ANO4: variants seen among roughly 807,000 people sequenced by gnomAD.
The protein encoded by ANO4 is anoctamin-4.
A neutral mutation model predicts 141.9 loss-of-function variants in ANO4; 69 were observed. The ratio of observed to expected loss-of-function variants is 0.49; its 90% CI spans 0.40 to 0.59. ANO4 has a LOEUF of 0.59. ANO4 is among the 20% of genes least tolerant of loss of function. The pLI is 0.00. For missense variants in ANO4, 894 were observed against 1,162.2 expected (o/e 0.77, Z 3.36); for synonymous variants, 350 against 394.3 (o/e 0.89, Z 1.33).
chr12:101,127,043 A>G lies in ANO4; in HGVS notation c.2841A>G (p.Gly947=), dbSNP rs140291622. 2.4e-4 allele frequency: 388 copies of G among 1,613,922 alleles called. 2 individuals are homozygous for G. The African/African-American group carries it at 4.7e-3, about 20-fold the overall frequency. ...AACGAAAGGAGAGGAAGAAGAATGG[A>G]AAAGCACACCACAACGAGTGGCCGT... The part of the protein sequence containing the change: ...QKERKERKKN[G]KAHHNEWP Residue 947 remains glycine, a synonymous_variant, in exon 27 of 28, where the codon GGA becomes GGG. Coordinates refer to ENST00000392977, the MANE Select transcript of ANO4 (RefSeq NM_001286615.2).
intron 3 of ANO4, among the ~76,000 whole-genome samples, chr12:100,763,081 G>A (rs572353585): frequency 7.9e-5 from 12 of 152,298 alleles, no homozygotes; most frequent in South Asian, 2.1e-4. Flanking sequence ...TTGAACCAGC[G>A]TTGTCTGGTT....
At chr12:101,107,032 C>T (rs937682535) in intron 22 of ANO4, among the ~76,000 whole-genome samples, 1 of 152,090 alleles carries the variant, frequency 6.6e-6, no homozygotes, top group East Asian at 1.9e-4. Flanking sequence ...CATTAGGTGT[C>T]AGATAAACAA....
At chr12:100,733,694 C>T in intron 1 of ANO4, 1 of 637,420 alleles carries the variant, frequency 1.6e-6, no homozygotes, top group Non-Finnish European at 2.8e-6. Context: ...GGTTTATTTA[C>T]CACCAGTCAT....
At chr12:100,914,637 A>G (rs1310369119) in intron 2 of ANO4, among the ~76,000 whole-genome samples, 2 of 152,252 alleles carry the variant, frequency 1.3e-5, no homozygotes, top group African/African-American at 2.4e-5. Context: ...TAAAAAAACA[A>G]GATGGAACTT....
At chr12:100,795,396 A>C (rs1412659010) in intron 1 of ANO4, among the ~76,000 whole-genome samples, 1 of 152,196 alleles carries the variant, frequency 6.6e-6, no homozygotes, top group Non-Finnish European at 1.5e-5. Flanking sequence ...GCACTCACTC[A>C]GGATCAGAAG....
intron 25 of ANO4, among the ~76,000 whole-genome samples, chr12:101,117,912 C>T (rs183597572): frequency 6.6e-6 from 1 of 152,190 alleles, no homozygotes. Context: ...AGCATACCCT[C>T]CACCCCTTTA....
intron 9 of ANO4, among the ~76,000 whole-genome samples, chr12:101,027,612 C>A (rs1189603338): frequency 6.6e-6 from 1 of 152,234 alleles, no homozygotes; most frequent in African/African-American, 2.4e-5. Context: ...AAGAGCGCCT[C>A]TTCAGGCACT....
intron 17 of ANO4, 108 bp downstream of exon 17, chr12:101,086,932 C>T (rs1334618511): frequency 1.5e-6 from 2 of 1,292,872 alleles, no homozygotes; most frequent in East Asian, 2.5e-5. Context: ...GGGCCATTCA[C>T]ATAGCACTGA....
chr12:100,855,229 G>A (rs1003410235), intron 1 of ANO4, among the ~76,000 whole-genome samples: 8 of 151,996 alleles, frequency 5.3e-5, no homozygotes, highest in Non-Finnish European at 1.2e-4. Context: ...TTGGTCCATC[G>A]TATCCTTTTT....
At chr12:100,820,761 T>C (rs2036005432) in intron 1 of ANO4, among the ~76,000 whole-genome samples, 1 of 152,040 alleles carries the variant, frequency 6.6e-6, no homozygotes, top group Non-Finnish European at 1.5e-5. Flanking sequence ...CATCCTGGGT[T>C]TGCAATGCTG....
chr12:100,784,123 A>G (rs1252981923), intron 3 of ANO4, among the ~76,000 whole-genome samples: 3 of 152,158 alleles, frequency 2.0e-5, no homozygotes, highest in East Asian at 1.9e-4. Context: ...TTCTGTCACT[A>G]GCAGTTGCTA....
chr12:100,777,269 CTT>C (rs71091463), intron 3 of ANO4, among the ~76,000 whole-genome samples: 5 of 50,614 alleles, frequency 9.9e-5, no homozygotes, highest in African/African-American at 2.7e-4. Flanking sequence ...ATTTTTGTAT[CTT>C]TTTTTTTTTT....
At chr12:100,717,478 G>T (rs12814541), upstream of ANO4, 1 of 398,150 alleles carries the variant, frequency 2.5e-6, no homozygotes, top group Non-Finnish European at 4.4e-6. Flanking sequence ...CGCGCAGGGG[G>T]CCGCTCTAGC....
intron 1 of ANO4, among the ~76,000 whole-genome samples, chr12:100,878,743 T>A (rs1166833517): frequency 6.6e-6 from 1 of 152,236 alleles, no homozygotes; most frequent in African/African-American, 2.4e-5. Flanking sequence ...TTGAAATGTA[T>A]TTTTTTAAAT....
intron 2 of ANO4, among the ~76,000 whole-genome samples, chr12:100,738,678 A>G (rs974532225): frequency 1.3e-5 from 2 of 151,988 alleles, no homozygotes; most frequent in Admixed American, 1.3e-4. Flanking sequence ...GATACTATAT[A>G]TTTATATATT....
chr12:100,871,054 T>C (rs191570348), intron 1 of ANO4, among the ~76,000 whole-genome samples: 29 of 152,338 alleles, frequency 1.9e-4, no homozygotes, highest in Admixed American at 1.5e-3. Flanking sequence ...TTTCCAAATA[T>C]TAATTGTTCC....
rs761107211 is a variant in ANO4, at chr12:100,971,353, A to G, written c.504A>G (p.Pro168=). The G allele has an allele frequency of 2.4e-5, 39 of 1,612,372 alleles. No individual in the cohort carries two copies. Among genetic ancestry groups the G allele is most frequent in the Middle Eastern group, 1.6e-4 (1 of 6,082 alleles). ...TTATCTTTGTGAAGTTGCATGCCCC[A>G]TGGGAAGTCCTTGGAAGATATGCAG... ...SDIIFVKLHA[P]WEVLGRYAEQ... Residue 168 remains proline (P), a synonymous_variant, in exon 6 of 28, where the codon CCA becomes CCG. Transcript: ENST00000392977.
intron 3 of ANO4, among the ~76,000 whole-genome samples, chr12:100,743,847 T>A (rs1311937442): frequency 2.0e-5 from 3 of 152,200 alleles, no homozygotes; most frequent in Non-Finnish European, 4.4e-5. Flanking sequence ...GGTAGTTTTT[T>A]AATCCTCACC....
intron 5 of ANO4, among the ~76,000 whole-genome samples, chr12:100,960,617 CAGAT>C (rs2043377777): frequency 6.6e-6 from 1 of 151,536 alleles, no homozygotes; most frequent in African/African-American, 2.4e-5. Flanking sequence ...AAAAAAAAGA[CAGAT>C]AGTAAAAAAA....
Sources: allele counts gnomAD v4.1 joint callset (sites outside exome capture counted in the v4.1 genomes callset), GRCh38; gene constraint gnomAD v4.1.1; transcripts MANE v1.5; gene names NCBI Gene and HGNC (gene_info 2026-07-23, HGNC 2026-07-21).